TOR1AIP2: variants seen among roughly 807,000 people sequenced by gnomAD.
TOR1AIP2 encodes torsin-1A-interacting protein 2.
In TOR1AIP2, 20 loss-of-function variants were observed where a neutral mutation model predicts 32.6. That is an observed-to-expected ratio of 0.61 (90% CI 0.43 to 0.89). The LOEUF (loss-of-function observed/expected upper bound fraction) is 0.89. Ranked by LOEUF, TOR1AIP2 falls within the 40% of genes least tolerant of loss-of-function variation. The pLI, the probability that TOR1AIP2 is intolerant of heterozygous loss-of-function variation, is 0.00. For missense variants in TOR1AIP2, 456 were observed against 553.8 expected (o/e 0.82, Z 1.77); for synonymous variants, 214 against 210.8 (o/e 1.02, Z -0.13).
At chr1:179,875,525 CA>C (rs1647235339) in intron 2 of TOR1AIP2, 1 of 152,128 alleles carries the variant, frequency 6.6e-6, no homozygotes, top group Admixed American at 6.5e-5. Context: ...ACCAATGTTT[CA>C]AAATTTGACT....
At chr1:179,859,150 T>A in intron 3 of TOR1AIP2, 1 of 985,434 alleles carries the variant, frequency 1.0e-6, no homozygotes, top group Non-Finnish European at 1.2e-6. Flanking sequence ...GTTACAATCC[T>A]GCTATGAAAA....
chr1:179,861,996 G>A (rs1339881449), intron 3 of TOR1AIP2: 8 of 985,062 alleles, frequency 8.1e-6, no homozygotes, highest in African/African-American at 1.7e-5. Context: ...CATGGCACCC[G>A]GCATGAGGTG....
rs1695752646 is a variant in TOR1AIP2, at chr1:179,842,542, T to C, written c.*3529A>G. ...GACAGTTTCTGATTCTACCAATTGGTTCTACAATTCTGGGATTACTCAAGA... is the reference window on the plus strand; with the variant it reads ...GACAGTTTCTGATTCTACCAATTGGCTCTACAATTCTGGGATTACTCAAGA... On this transcript the variant is annotated 3_prime_UTR_variant, in exon 7 of 7. Transcript: ENST00000609928. The C allele has an allele frequency of 6.6e-6, 1 of 152,134 alleles. No homozygotes were observed. Among genetic ancestry groups the C allele is most frequent in the African/African-American group, 2.4e-5 (1 of 41,416 alleles). The allele number at this position is 152,134 out of a possible 1,614,324, so 9.4% of individuals were successfully genotyped here.
Position 179,850,825 on chromosome 1 carries a change from A to G in TOR1AIP2, c.553+20T>C, listed in dbSNP as rs1373034452. ...ACAGAGCAGTACAAAACAGGAGAGT[A>G]GTTCAGGGGGTTCTCTTACCTGGGG... On this transcript the variant is annotated intron_variant, in intron 5 of 6. Transcript: ENST00000609928. The G allele has an allele frequency of 6.2e-7, 1 of 1,605,640 alleles. No homozygotes were observed. Among genetic ancestry groups the G allele is most frequent in the Non-Finnish European group, 8.5e-7 (1 of 1,175,552 alleles).
At chr1:179,851,454 A>G (rs1696114587) in intron 4 of TOR1AIP2, 91 bp from the exon 5 acceptor site, 2 of 1,019,676 alleles carry the variant, frequency 2.0e-6, no homozygotes, top group Admixed American at 7.1e-5. Flanking sequence ...TAATATTTAC[A>G]TAGATTTTCA....
chr1:179,860,612 G>A, intron 3 of TOR1AIP2: 1 of 985,260 alleles, frequency 1.0e-6, no homozygotes, highest in Non-Finnish European at 1.2e-6. Context: ...ATATGTTATT[G>A]CACTTAAACC....
chr1:179,847,685 A>G, intron 5 of TOR1AIP2, 49 bp from the exon 6 acceptor site: 1 of 1,174,184 alleles, frequency 8.5e-7, no homozygotes, highest in Non-Finnish European at 1.3e-6. Flanking sequence ...CACTAATGAC[A>G]GTATGTATAC....
intron 4 of TOR1AIP2, among the ~76,000 whole-genome samples, chr1:179,851,656 T>A (rs1696120215): frequency 6.6e-6 from 1 of 152,204 alleles, no homozygotes; most frequent in Non-Finnish European, 1.5e-5. Context: ...TGCTCATCAA[T>A]GGTAGCAAAA....
intron 4 of TOR1AIP2, 84 bp from the exon 5 acceptor site, chr1:179,851,447 T>C: frequency 9.4e-7 from 1 of 1,063,794 alleles, no homozygotes; most frequent in Non-Finnish European, 1.3e-6. Flanking sequence ...TTAATAATAA[T>C]ATTTACATAG....
At chr1:179,860,212 G>A in intron 3 of TOR1AIP2, 2 of 985,402 alleles carry the variant, frequency 2.0e-6, no homozygotes, top group Non-Finnish European at 2.4e-6. Flanking sequence ...GGTGGACACG[G>A]CGGCTCATGC....
Position 179,840,812 on chromosome 1 carries a change from GCAGCAAA to G in TOR1AIP2, c.*5252_*5258del. 1 of 151,838 alleles carries G rather than the reference GCAGCAAA, an allele frequency of 6.6e-6. No individual in the cohort carries two copies. The highest frequency in any genetic ancestry group is 2.1e-4 in the South Asian group (1 of 4,792). The allele number at this position is 151,838 out of a possible 1,614,324, so 9.4% of individuals were successfully genotyped here. On this transcript the variant is annotated 3_prime_UTR_variant, in exon 7 of 7. Coordinates refer to ENST00000609928, the MANE Select transcript of TOR1AIP2 (RefSeq NM_001199260.2). ...TAATGTAGATGACGGGTTGATGGGT[GCAGCAAA>G]CCACCATGGCACGTGTATACCTATG...
At chr1:179,874,512 C>T (rs1158515425) in intron 2 of TOR1AIP2, 2 of 152,234 alleles carry the variant, frequency 1.3e-5, no homozygotes, top group African/African-American at 4.8e-5. Flanking sequence ...ATAATCCCAG[C>T]CTTTTAGGAG....
chr1:179,860,940 T>C, intron 3 of TOR1AIP2: 1 of 985,522 alleles, frequency 1.0e-6, no homozygotes, highest in African/African-American at 1.7e-5. Context: ...GCCTTCCTGT[T>C]TGCCTGGGCT....
chr1:179,868,912 G>A (rs1012911475), intron 2 of TOR1AIP2: 1 of 152,238 alleles, frequency 6.6e-6, no homozygotes, highest in Non-Finnish European at 1.5e-5. Context: ...GTGCAATCTT[G>A]GCTCACTGCA....
Position 179,845,120 on chromosome 1 carries a change from G to A in TOR1AIP2, c.*951C>T, listed in dbSNP as rs925429987. On this transcript the variant is annotated 3_prime_UTR_variant, in exon 7 of 7. Transcript: ENST00000609928. ...CTGTATTTCATCTTCCTACTCATAA[G>A]ATTTAATACATTCATTTTTTAAACA... 2.6e-5 allele frequency: 4 copies of A among 152,124 alleles called. No homozygotes were observed. Among genetic ancestry groups the A allele is most frequent in the Admixed American group, 1.3e-4 (2 of 15,272 alleles). 9.4% of individuals were successfully genotyped at this position (152,124 alleles called of 1,614,324 possible). A position where few individuals can be genotyped will look rare whatever the true frequency, so the allele number is the denominator to read the frequency against.
At chr1:179,859,370 T>C (rs1055659489) in intron 3 of TOR1AIP2, 1 of 973,120 alleles carries the variant, frequency 1.0e-6, no homozygotes, top group Non-Finnish European at 1.2e-6. Flanking sequence ...AACACGTGAC[T>C]ACTGAGGGCA....
At chr1:179,860,602 A>G (rs1696483955) in intron 3 of TOR1AIP2, 3 of 985,294 alleles carry the variant, frequency 3.0e-6, no homozygotes, top group South Asian at 4.7e-5. Context: ...TATGTTTGGT[A>G]TATGTTATTG....
At position 179,850,853 on chromosome 1, in the gene TOR1AIP2, A is replaced by G. The variant is rs761331608; in HGVS notation, c.545T>C (p.Leu182Pro). ...EGEDTLRRRL[L>P]APEAGSHPQQ... is the part of the protein sequence containing the mutation. ...TCAGGGGGTTCTCTTACCTGGGGCC[A>G]GCAGTCGCCTCCTCAGTGTATCCTC... is the stretch of plus-strand genomic sequence containing the variant. Residue 182 changes from leucine to proline, a missense_variant, in exon 5 of 7, where the codon CTG becomes CCG. By Grantham distance (98) the Leu-to-Pro change is moderately conservative. Coordinates refer to ENST00000609928, the MANE Select transcript of TOR1AIP2 (RefSeq NM_001199260.2). 1 of 1,612,756 alleles carries G rather than the reference A, an allele frequency of 6.2e-7. No individual in the cohort carries two copies.
intron 3 of TOR1AIP2, chr1:179,864,721 T>C: frequency 1.3e-6 from 2 of 1,508,856 alleles, no homozygotes; most frequent in East Asian, 2.3e-5. Flanking sequence ...TATTTTTCCA[T>C]CTTCCTTGGG....
Sources: allele counts gnomAD v4.1 joint callset (sites outside exome capture counted in the v4.1 genomes callset), GRCh38; gene constraint gnomAD v4.1.1; transcripts MANE v1.5; gene names NCBI Gene and HGNC (gene_info 2026-07-23, HGNC 2026-07-21).